The following FGF14 variants were observed in gnomAD, a reference collection of about 807,000 sequenced individuals.
FGF14 encodes the protein fibroblast growth factor 14.
A neutral mutation model predicts 25.5 loss-of-function variants in FGF14; 5 were observed. The ratio of observed to expected loss-of-function variants is 0.20; its 90% CI spans 0.10 to 0.41. The LOEUF (loss-of-function observed/expected upper bound fraction) is 0.41, where lower values mean the gene tolerates loss of function less well. Ranked by LOEUF, FGF14 falls within the 10% of genes least tolerant of loss-of-function variation. The probability of loss-of-function intolerance (pLI) is 1.00; values close to 1 mark genes in which losing one functional copy is unlikely to be tolerated. For missense variants in FGF14, 222 were observed against 320.1 expected (o/e 0.69, Z 2.34); for synonymous variants, 138 against 118.3 (o/e 1.17, Z -1.08).
chr13:102,253,744 G>A (rs1228469168), intron 1 of FGF14, among the ~76,000 whole-genome samples: 2 of 152,032 alleles, frequency 1.3e-5, no homozygotes, highest in Admixed American at 6.6e-5. Context: ...ACATATTTTC[G>A]ATCTGTGGTT....
At chr13:102,387,991 G>T (rs7329536) in intron 1 of FGF14, among the ~76,000 whole-genome samples, 1 of 152,132 alleles carries the variant, frequency 6.6e-6, no homozygotes, top group South Asian at 2.1e-4. Context: ...GCCTCTCAAA[G>T]TGCTGGGATT....
At chr13:102,204,091 G>A (rs2140893273) in intron 1 of FGF14, among the ~76,000 whole-genome samples, 1 of 152,248 alleles carries the variant, frequency 6.6e-6, no homozygotes, top group Admixed American at 6.5e-5. Context: ...CTGAATTCAT[G>A]GCAACAATAT....
intron 3 of FGF14, among the ~76,000 whole-genome samples, chr13:101,863,724 G>T (rs1461750810): frequency 6.6e-6 from 1 of 152,104 alleles, no homozygotes; most frequent in East Asian, 1.9e-4. Flanking sequence ...CAGAGCAGTT[G>T]TATTTCTATA....
Position 101,879,823 on chromosome 13 carries a change from G to A in FGF14, c.194-4527C>T, listed in dbSNP as rs139912403. ...GTACATTTTTGCAGAAAAAAATGTG[G>A]CAGATCTAATTAGATTTTGGCACTC... On this transcript the variant is annotated intron_variant, in intron 1 of 4. Transcript: ENST00000376143. Among the ~76,000 whole-genome samples, 314 of 152,174 alleles carry A rather than the reference G, an allele frequency of 2.1e-3. 2 individuals carry two copies. The highest frequency in any genetic ancestry group is 6.2e-3 in the African/African-American group (256 of 41,524).
intron 1 of FGF14, among the ~76,000 whole-genome samples, chr13:102,244,588 G>C (rs1274359821): frequency 6.6e-5 from 10 of 151,992 alleles, no homozygotes; most frequent in African/African-American, 2.2e-4. Context: ...ATTATCTCAA[G>C]TCCTTTAGGT....
chr13:101,910,104 T>G (rs9670647), intron 1 of FGF14, among the ~76,000 whole-genome samples: 8 of 145,040 alleles, frequency 5.5e-5, no homozygotes, highest in East Asian at 2.0e-4. Context: ...GGGGTGGGGG[T>G]AGGGGGGAGG....
intron 1 of FGF14, among the ~76,000 whole-genome samples, chr13:102,181,110 C>G (rs1406411228): frequency 6.6e-6 from 1 of 152,114 alleles, no homozygotes; most frequent in Non-Finnish European, 1.5e-5. Context: ...AGAATAATTT[C>G]TCCAGATTTG....
intron 1 of FGF14, among the ~76,000 whole-genome samples, chr13:102,209,972 C>T (rs1226134083): frequency 6.6e-6 from 1 of 151,844 alleles, no homozygotes; most frequent in African/African-American, 2.4e-5. Context: ...AATATTGAGC[C>T]TTTTCTCATT....
At chr13:101,801,955 A>T (rs1278428985) in intron 3 of FGF14, 3 of 477,568 alleles carry the variant, frequency 6.3e-6, no homozygotes, top group African/African-American at 4.0e-5. Flanking sequence ...GCAGAGAAGA[A>T]CATAAAAAGA....
At chr13:102,247,511 G>A (rs2051939318) in intron 1 of FGF14, among the ~76,000 whole-genome samples, 1 of 152,032 alleles carries the variant, frequency 6.6e-6, no homozygotes, top group Non-Finnish European at 1.5e-5. Flanking sequence ...CTGATCATTA[G>A]AAAAATGTAA....
chr13:101,742,602 A>G (rs2036624644), intron 3 of FGF14, among the ~76,000 whole-genome samples: 1 of 152,170 alleles, frequency 6.6e-6, no homozygotes, highest in East Asian at 1.9e-4. Context: ...TTTCATGAGG[A>G]TTGGCAGTTT....
intron 3 of FGF14, among the ~76,000 whole-genome samples, chr13:101,804,404 G>A (rs2041080156): frequency 3.9e-5 from 6 of 152,148 alleles, no homozygotes; most frequent in African/African-American, 1.4e-4. Context: ...GGTAAGTACT[G>A]CTGGTATTTA....
chr13:102,359,150 AC>A (rs1428390000), intron 1 of FGF14, among the ~76,000 whole-genome samples: 1 of 151,678 alleles, frequency 6.6e-6, no homozygotes, highest in Non-Finnish European at 1.5e-5. Context: ...AGGGAACAAC[AC>A]ACATTGGGAC....
intron 1 of FGF14, among the ~76,000 whole-genome samples, chr13:101,893,768 T>G (rs1294896233): frequency 6.6e-6 from 1 of 152,152 alleles, no homozygotes; most frequent in Non-Finnish European, 1.5e-5. Flanking sequence ...ACAAGTCAAT[T>G]TTAGCCTGGC....
chr13:101,864,239 G>T (rs778458799), intron 3 of FGF14, among the ~76,000 whole-genome samples: 3 of 152,066 alleles, frequency 2.0e-5, no homozygotes, highest in Admixed American at 2.0e-4. Flanking sequence ...GAAGTATGCT[G>T]GTCTGCTTTC....
chr13:102,361,425 T>C (rs2057561851), intron 1 of FGF14, among the ~76,000 whole-genome samples: 1 of 152,166 alleles, frequency 6.6e-6, no homozygotes, highest in South Asian at 2.1e-4. Context: ...TCTTAGGAAA[T>C]GGTGCTTAAG....
intron 1 of FGF14, among the ~76,000 whole-genome samples, chr13:102,260,241 T>C (rs2052656029): frequency 6.6e-6 from 1 of 152,222 alleles, no homozygotes; most frequent in African/African-American, 2.4e-5. Context: ...ACTCAAATTC[T>C]CAGATATTTA....
intron 1 of FGF14, among the ~76,000 whole-genome samples, chr13:101,973,578 C>T (rs891242372): frequency 6.6e-6 from 1 of 152,146 alleles, no homozygotes; most frequent in Non-Finnish European, 1.5e-5. Context: ...GTCCGAGTTC[C>T]AAAACTGAAG....
chr13:102,362,478 C>A (rs1360948060), intron 1 of FGF14, among the ~76,000 whole-genome samples: 1 of 152,182 alleles, frequency 6.6e-6, no homozygotes, highest in East Asian at 1.9e-4. Flanking sequence ...AAAAGTGCTT[C>A]TGCTCTAAGA....
Sources: gnomAD v4.1 joint callset for allele counts (sites outside exome capture counted in the v4.1 genomes callset) on GRCh38, gnomAD v4.1.1 for gene constraint, MANE v1.5 for transcripts, NCBI Gene and HGNC (gene_info 2026-07-23, HGNC 2026-07-21) for gene names.